ALG9: variants seen among roughly 807,000 people sequenced by gnomAD.
ALG9 encodes ALG9 alpha-1,2-mannosyltransferase.
ALG9 carries 55 observed loss-of-function variants against 81.8 expected under a neutral mutation model. The observed-to-expected ratio is 0.67, with a 90% CI of 0.54 to 0.84. ALG9 has a LOEUF of 0.84. Ranked by LOEUF, ALG9 falls within the 40% of genes least tolerant of loss-of-function variation. The pLI, the probability that ALG9 is intolerant of heterozygous loss-of-function variation, is 0.00. For missense variants in ALG9, 629 were observed against 745.0 expected (o/e 0.84, Z 1.81); for synonymous variants, 278 against 274.3 (o/e 1.01, Z -0.13).
chr11:111,854,069 G>A (rs1253856753), intron 6 of ALG9, among the ~76,000 whole-genome samples: 2 of 149,904 alleles, frequency 1.3e-5, no homozygotes, highest in African/African-American at 4.9e-5. Context: ...GATTTACTAG[G>A]ATTTTAGTAA....
At chr11:111,799,350 G>A (rs1555078413) in intron 14 of ALG9, among the ~76,000 whole-genome samples, 1 of 151,802 alleles carries the variant, frequency 6.6e-6, no homozygotes, top group Non-Finnish European at 1.5e-5. Flanking sequence ...TTTCACTATG[G>A]CCAGGATGGT....
At chr11:111,787,397 C>A (rs1555066019) in intron 14 of ALG9, among the ~76,000 whole-genome samples, 2 of 152,084 alleles carry the variant, frequency 1.3e-5, no homozygotes, top group African/African-American at 4.8e-5. Flanking sequence ...CATGCCTCTG[C>A]ACTCCAGCAT....
chr11:111,855,520 A>C (rs1026922799), intron 6 of ALG9, among the ~76,000 whole-genome samples: 3 of 152,224 alleles, frequency 2.0e-5, no homozygotes, highest in African/African-American at 7.2e-5. Flanking sequence ...GATATTCAGG[A>C]GATACAACCA....
In ALG9 at chr11:111,859,042, C is replaced by T. The variant is rs182340783; in HGVS notation, c.566-1305G>A. ...GCAACACAGTGAAACTCCATCTCTA[C>T]AAAAAACTTTAAAACTAGCCAGGCA... On this transcript the variant is annotated intron_variant, in intron 5 of 14. Transcript: ENST00000616540. 5.4e-3 allele frequency among the ~76,000 whole-genome samples: 825 copies of T among 152,064 alleles called. 3 individuals carry two copies. Among genetic ancestry groups the T allele is most frequent in the African/African-American group, 0.019 (773 of 41,464 alleles).
At chr11:111,868,011 T>C (rs1197622742) in intron 3 of ALG9, among the ~76,000 whole-genome samples, 2 of 152,126 alleles carry the variant, frequency 1.3e-5, no homozygotes, top group African/African-American at 4.8e-5. Context: ...ACAAAAGATC[T>C]GACATTCACA....
chr11:111,829,863 C>T (rs1180267477), intron 13 of ALG9, among the ~76,000 whole-genome samples: 2 of 152,202 alleles, frequency 1.3e-5, no homozygotes, highest in Admixed American at 6.5e-5. Context: ...CTCATCTCTT[C>T]CAGGACAGAA....
chr11:111,777,474 G>A (rs1248098470), downstream of ALG9, among the ~76,000 whole-genome samples: 1 of 152,180 alleles, frequency 6.6e-6, no homozygotes, highest in East Asian at 1.9e-4. Flanking sequence ...GATGCCCTCT[G>A]CTGGACATTA....
intron 8 of ALG9, among the ~76,000 whole-genome samples, chr11:111,852,283 T>A (rs1244570751): frequency 6.6e-6 from 1 of 152,172 alleles, no homozygotes; most frequent in Non-Finnish European, 1.5e-5. Flanking sequence ...AAACTGCCTC[T>A]CTCGTGAAAT....
chr11:111,782,183 AG>A (rs1945987762), downstream of ALG9: 1 of 152,242 alleles, frequency 6.6e-6, no homozygotes, highest in Non-Finnish European at 1.5e-5. Context: ...TGTCACATTA[AG>A]AAAAAGAAAA....
intron 14 of ALG9, among the ~76,000 whole-genome samples, chr11:111,804,440 A>G (rs1242396734): frequency 3.9e-5 from 6 of 152,248 alleles, no homozygotes; most frequent in Non-Finnish European, 2.9e-5. Context: ...AAACTCAACA[A>G]TAAGACTGGG....
intron 10 of ALG9, among the ~76,000 whole-genome samples, chr11:111,839,534 G>A (rs1023875467): frequency 7.1e-4 from 95 of 133,260 alleles, no homozygotes; most frequent in African/African-American, 2.3e-3. Context: ...GCAGTGAGCC[G>A]AGATTGCGCC....
intron 14 of ALG9, among the ~76,000 whole-genome samples, chr11:111,791,849 T>A (rs185071680): frequency 6.6e-6 from 1 of 152,240 alleles, no homozygotes; most frequent in Non-Finnish European, 1.5e-5. Context: ...CCCAGCACTT[T>A]GGGAGGCCAA....
chr11:111,795,653 G>A (rs1211376344), intron 14 of ALG9, among the ~76,000 whole-genome samples: 1 of 152,208 alleles, frequency 6.6e-6, no homozygotes, highest in Non-Finnish European at 1.5e-5. Context: ...AATACATTAT[G>A]TGTAATGACT....
chr11:111,806,655 T>C (rs1272786973), intron 14 of ALG9, among the ~76,000 whole-genome samples: 1 of 152,102 alleles, frequency 6.6e-6, no homozygotes, highest in African/African-American at 2.4e-5. Flanking sequence ...TCTCATCCAG[T>C]CTCATGTTTT....
chr11:111,869,101 G>C (rs575477686), intron 2 of ALG9, among the ~76,000 whole-genome samples: 2 of 152,138 alleles, frequency 1.3e-5, no homozygotes, highest in African/African-American at 4.8e-5. Flanking sequence ...CAGCCTGGGC[G>C]ATCTGCAATT....
intron 13 of ALG9, among the ~76,000 whole-genome samples, chr11:111,826,863 T>C (rs1289748171): frequency 6.6e-6 from 1 of 152,178 alleles, no homozygotes; most frequent in Non-Finnish European, 1.5e-5. Context: ...TCTGATTTTA[T>C]TGTTCTTTTT....
At chr11:111,768,836 T>TGTGTGC in the ALG9 span, 1 of 128,468 alleles carries the variant, frequency 7.8e-6, no homozygotes, top group Non-Finnish European at 1.7e-5. Flanking sequence ...TTCGTGTGTG[T>TGTGTGC]GTGTGCGTGT....
chr11:111,864,514 CAA>C (rs1310979282), intron 4 of ALG9: 4 of 667,220 alleles, frequency 6.0e-6, no homozygotes, highest in South Asian at 1.6e-5. Flanking sequence ...AGTGGATATT[CAA>C]AAGAGAGCTA....
intron 8 of ALG9, among the ~76,000 whole-genome samples, chr11:111,852,942 CAA>C (rs71461596): frequency 1.6e-4 from 17 of 106,114 alleles, no homozygotes; most frequent in Admixed American, 3.0e-4. Context: ...AACTCCACCT[CAA>C]AAAAAAAAAA....
Sources: allele counts gnomAD v4.1 joint callset (sites outside exome capture counted in the v4.1 genomes callset), GRCh38; gene constraint gnomAD v4.1.1; transcripts MANE v1.5; gene names NCBI Gene and HGNC (gene_info 2026-07-23, HGNC 2026-07-21).